Variants in ADGRB3 observed in about 807,000 individuals in gnomAD.
ADGRB3 encodes adhesion G protein-coupled receptor B3.
In ADGRB3, 37 loss-of-function variants were observed where a neutral mutation model predicts 193.4. The ratio of observed to expected loss-of-function variants is 0.19; its 90% confidence interval spans 0.15 to 0.25. The LOEUF is 0.25. Among genes scored for constraint, ADGRB3 ranks in the 10% least tolerant of loss-of-function variants. The pLI, the probability that ADGRB3 is intolerant of heterozygous loss-of-function variation, is 1.00. For missense variants in ADGRB3, 1,637 were observed against 1,852.9 expected, an observed-to-expected ratio of 0.88 and a Z score of 2.14; for synonymous variants, 690 against 644.2, an observed-to-expected ratio of 1.07 and a Z score of -1.08.
At chr6:68,659,164 G>A (rs1288109437) in intron 3 of ADGRB3, among the ~76,000 whole-genome samples, 1 of 150,550 alleles carries the variant, frequency 6.6e-6, no homozygotes, top group Non-Finnish European at 1.5e-5. Context: ...ATTTTTTTGT[G>A]CTATTTTCTT....
At chr6:69,336,410 A>T (rs1046180099) in intron 24 of ADGRB3, among the ~76,000 whole-genome samples, 6 of 148,274 alleles carry the variant, frequency 4.0e-5, no homozygotes, top group Admixed American at 3.4e-4. Flanking sequence ...ATTTCATGTG[A>T]TTTTTTTTTT....
intron 3 of ADGRB3, among the ~76,000 whole-genome samples, chr6:68,872,037 T>C (rs1038634239): frequency 2.0e-4 from 27 of 134,258 alleles, no homozygotes; most frequent in African/African-American, 6.6e-4. Flanking sequence ...GTTTTTGTGA[T>C]TAAGTTATAA....
chr6:68,797,423 T>C (rs1279007327), intron 3 of ADGRB3, among the ~76,000 whole-genome samples: 1 of 148,580 alleles, frequency 6.7e-6, no homozygotes, highest in Non-Finnish European at 1.5e-5. Context: ...AAAAAAAGGA[T>C]GTACTTGAAG....
chr6:69,330,107 T>TA (rs781552993), intron 22 of ADGRB3, among the ~76,000 whole-genome samples: 19 of 150,742 alleles, frequency 1.3e-4, no homozygotes, highest in Middle Eastern at 3.4e-3. Flanking sequence ...TCTAAAACTC[T>TA]AAAAAAAAAT....
At chr6:69,349,289 C>T (rs1278676524) in intron 26 of ADGRB3, among the ~76,000 whole-genome samples, 1 of 152,082 alleles carries the variant, frequency 6.6e-6, no homozygotes, top group Non-Finnish European at 1.5e-5. Flanking sequence ...CTTATATGAC[C>T]TCCTCAAACT....
At chr6:68,881,367 CT>C (rs1655520363) in intron 3 of ADGRB3, among the ~76,000 whole-genome samples, 2 of 152,112 alleles carry the variant, frequency 1.3e-5, no homozygotes, top group South Asian at 2.1e-4. Context: ...CAATATATGC[CT>C]TTTTTCCACA....
intron 31 of ADGRB3, among the ~76,000 whole-genome samples, chr6:69,384,433 C>A (rs78787732): frequency 6.6e-6 from 1 of 151,818 alleles, no homozygotes; most frequent in Non-Finnish European, 1.5e-5. Context: ...CTACTCATTT[C>A]GAAATATTGA....
chr6:68,886,007 A>G (rs1054353094), intron 3 of ADGRB3, among the ~76,000 whole-genome samples: 3 of 152,158 alleles, frequency 2.0e-5, no homozygotes, highest in Non-Finnish European at 4.4e-5. Flanking sequence ...TTGGGTAATT[A>G]TTTGGATATA....
intron 3 of ADGRB3, among the ~76,000 whole-genome samples, chr6:68,702,484 A>G (rs1027666290): frequency 2.6e-5 from 4 of 152,210 alleles, no homozygotes; most frequent in African/African-American, 7.2e-5. Context: ...TAAATTGGAA[A>G]TATAGTCTTT....
At chr6:69,334,497 G>A (rs1239054327) in intron 24 of ADGRB3, among the ~76,000 whole-genome samples, 1 of 152,136 alleles carries the variant, frequency 6.6e-6, no homozygotes, top group Non-Finnish European at 1.5e-5. Flanking sequence ...CTCATTTAGA[G>A]GCTTTTTTCA....
chr6:68,748,186 A>C (rs1582169096), intron 3 of ADGRB3, among the ~76,000 whole-genome samples: 1 of 152,142 alleles, frequency 6.6e-6, no homozygotes, highest in East Asian at 1.9e-4. Flanking sequence ...AGCCCCTCTA[A>C]ATCTCATGTC....
chr6:69,051,721 G>A (rs577370109), intron 15 of ADGRB3, among the ~76,000 whole-genome samples: 1 of 152,136 alleles, frequency 6.6e-6, no homozygotes, highest in East Asian at 1.9e-4. Context: ...TCTGCTAAAT[G>A]AAAATATACT....
At chr6:69,115,641 A>G (rs1251334963) in intron 17 of ADGRB3, among the ~76,000 whole-genome samples, 1 of 152,206 alleles carries the variant, frequency 6.6e-6, no homozygotes, top group Non-Finnish European at 1.5e-5. Context: ...TTGGCAAACA[A>G]TAAATGTTTG....
At chr6:68,912,466 C>T (rs1402833700) in intron 3 of ADGRB3, among the ~76,000 whole-genome samples, 6 of 151,864 alleles carry the variant, frequency 4.0e-5, no homozygotes, top group Non-Finnish European at 8.8e-5. Flanking sequence ...GTGCTGCACT[C>T]ATTAACTCAT....
rs1264500701 is a variant in ADGRB3, at chr6:69,048,345, G to A, written c.2257+11G>A. On this transcript the variant is annotated intron_variant, in intron 14 of 31. Coordinates refer to ENST00000370598, the MANE Select transcript of ADGRB3 (RefSeq NM_001704.3). ...CGGTGTCATCAAAAGGTAAATATCT[G>A]AAATAATATGAGCTTGAACAAGACA... 1 of 1,608,910 alleles carries A rather than the reference G, an allele frequency of 6.2e-7. No individual in the cohort carries two copies. Among genetic ancestry groups the A allele is most frequent in the South Asian group, 1.1e-5 (1 of 90,520 alleles).
intron 3 of ADGRB3, among the ~76,000 whole-genome samples, chr6:68,868,951 G>GTGTGTGTGTGTGTGT (rs781022363): frequency 1.3e-5 from 2 of 150,394 alleles, no homozygotes; most frequent in Admixed American, 6.6e-5. Flanking sequence ...GAGTGTGTGT[G>GTGTGTGTGTGTGTGT]TTTAAACTTA....
At chr6:68,698,787 C>T (rs540523290) in intron 3 of ADGRB3, among the ~76,000 whole-genome samples, 16 of 152,050 alleles carry the variant, frequency 1.1e-4, no homozygotes, top group African/African-American at 2.6e-4. Context: ...GCTAAATAGA[C>T]GGTGTTGTGA....
At chr6:68,851,053 T>G (rs1263677850) in intron 3 of ADGRB3, among the ~76,000 whole-genome samples, 1 of 151,974 alleles carries the variant, frequency 6.6e-6, no homozygotes. Context: ...TTTCTTCCAT[T>G]TTGGACACTT....
At chr6:69,337,957 C>T (rs1768887955) in intron 24 of ADGRB3, among the ~76,000 whole-genome samples, 2 of 152,290 alleles carry the variant, frequency 1.3e-5, no homozygotes, top group Non-Finnish European at 2.9e-5. Flanking sequence ...GGACTATGCA[C>T]ACCTCAGAGC....
Sources: gnomAD v4.1 joint callset for allele counts (sites outside exome capture counted in the v4.1 genomes callset) on GRCh38, gnomAD v4.1.1 for gene constraint, MANE v1.5 for transcripts, NCBI Gene and HGNC (gene_info 2026-07-23, HGNC 2026-07-21) for gene names.